DSCAML1: variants seen among roughly 807,000 people sequenced by gnomAD.
DSCAML1 encodes the protein DS cell adhesion molecule like 1, also known as cell adhesion molecule DSCAML1.
Under a neutral mutation model 200.5 loss-of-function variants are expected in DSCAML1, and 38 were observed. The ratio of observed to expected loss-of-function variants is 0.19; its 90% confidence interval spans 0.15 to 0.25. The LOEUF is 0.25. DSCAML1 is among the 10% of genes least tolerant of loss of function. DSCAML1 has a pLI of 1.00. For synonymous variants in DSCAML1, 1,215 were observed against 1,165.0 expected, an observed-to-expected ratio of 1.04 and a Z score of -0.87; for missense variants, 2,223 against 2,858.8, an observed-to-expected ratio of 0.78 and a Z score of 5.07.
At chr11:117,571,667 TCCC>T (rs1284320187) in intron 3 of DSCAML1, among the ~76,000 whole-genome samples, 3 of 151,668 alleles carry the variant, frequency 2.0e-5, no homozygotes, top group Non-Finnish European at 4.4e-5. Flanking sequence ...CAGCCCGTCC[TCCC>T]CCCACCTACA....
At chr11:117,631,675 C>A (rs1254891564) in intron 3 of DSCAML1, among the ~76,000 whole-genome samples, 1 of 152,218 alleles carries the variant, frequency 6.6e-6, no homozygotes, top group Admixed American at 6.5e-5. Flanking sequence ...CATGTGCACA[C>A]ACATGTGATT....
chr11:117,797,043 A>G lies in DSCAML1; in HGVS notation c.37T>C (p.Leu13=), dbSNP rs1306725712. 4 of 1,535,676 alleles carry G rather than the reference A, an allele frequency of 2.6e-6. No individual in the cohort carries two copies. Among genetic ancestry groups the G allele is most frequent in the Non-Finnish European group, 2.6e-6 (3 of 1,140,132 alleles). The change falls in exon 1 of 33, where the codon TTA becomes CTA. Residue 13 remains leucine (L), a synonymous_variant. Transcript: ENST00000651296. ...LVTFLLLLDS[L]HKARPEDVGT... is the part of the protein sequence containing the mutation. ...CCCGCGCAGGTCTCACCTTTGTGTA[A>G]AGAGTCCAGGAGCAGGAGGAAAGTT... is the stretch of plus-strand genomic sequence containing the variant.
chr11:117,777,835 G>T (rs759062770), intron 2 of DSCAML1, among the ~76,000 whole-genome samples: 6 of 152,202 alleles, frequency 3.9e-5, no homozygotes, highest in South Asian at 2.1e-4. Flanking sequence ...TGGGACCAAG[G>T]CTTCTGCCTC....
chr11:117,732,252 T>C (rs535937532), intron 3 of DSCAML1, among the ~76,000 whole-genome samples: 5 of 152,316 alleles, frequency 3.3e-5, no homozygotes, highest in Admixed American at 2.0e-4. Context: ...CAAGTATTAT[T>C]ATTTTCCAGT....
rs981188335 is a variant in DSCAML1, at chr11:117,635,074, C to T, written c.512-102552G>A. On this transcript the variant is annotated intron_variant, in intron 3 of 32. Coordinates refer to ENST00000651296, the MANE Select transcript of DSCAML1 (RefSeq NM_020693.4). Reference sequence around the variant, plus strand: ...CACAACAGTCAGCAAATCGCCCTTTCGGGGGCTGATTAAAGATGGATGCGC... The same window carrying T: ...CACAACAGTCAGCAAATCGCCCTTTTGGGGGCTGATTAAAGATGGATGCGC... Among the ~76,000 whole-genome samples the T allele has an allele frequency of 5.9e-5, 9 of 152,366 alleles. No homozygotes were observed. In the South Asian group the frequency reaches 8.3e-4, roughly 14 times the overall value.
chr11:117,493,617 T>C (rs1170636950), intron 11 of DSCAML1, among the ~76,000 whole-genome samples: 1 of 151,736 alleles, frequency 6.6e-6, no homozygotes, highest in Non-Finnish European at 1.5e-5. Context: ...CCAGGCCTGG[T>C]CCTCTACTTT....
intron 3 of DSCAML1, among the ~76,000 whole-genome samples, chr11:117,721,610 TATATATAAATATATGTA>T (rs2137796404): frequency 6.7e-6 from 1 of 148,932 alleles, no homozygotes; most frequent in African/African-American, 2.4e-5. Flanking sequence ...CTCTTATATG[TATATATAAATATATGTA>T]ATATATAAAT....
At chr11:117,739,712 C>T (rs2054388102) in intron 3 of DSCAML1, among the ~76,000 whole-genome samples, 1 of 152,144 alleles carries the variant, frequency 6.6e-6, no homozygotes, top group Non-Finnish European at 1.5e-5. Flanking sequence ...GGCTGCATGG[C>T]CATTAGTGGT....
At chr11:117,461,095 C>G (rs1210485847) in intron 18 of DSCAML1, among the ~76,000 whole-genome samples, 1 of 152,112 alleles carries the variant, frequency 6.6e-6, no homozygotes, top group East Asian at 1.9e-4. Context: ...CCAATCTGCC[C>G]CTATCATGCC....
At chr11:117,681,083 C>T (rs912207576) in intron 3 of DSCAML1, among the ~76,000 whole-genome samples, 3 of 152,202 alleles carry the variant, frequency 2.0e-5, no homozygotes, top group East Asian at 1.9e-4. Context: ...GCTAAATATC[C>T]GCCAGCTGTC....
At chr11:117,451,684 G>C (rs1040600593) in intron 19 of DSCAML1, among the ~76,000 whole-genome samples, 1 of 152,068 alleles carries the variant, frequency 6.6e-6, no homozygotes, top group Non-Finnish European at 1.5e-5. Flanking sequence ...GCATGGTGGT[G>C]TGTGCTTGTT....
rs759658514 is a variant in DSCAML1 at position 117,461,470 on chromosome 11, C to A, written c.3392G>T (p.Trp1131Leu). 3 of 1,614,200 alleles carry A rather than the reference C, an allele frequency of 1.9e-6. No homozygotes were observed. The highest frequency in any genetic ancestry group is 2.5e-6 in the Non-Finnish European group (3 of 1,180,040). Reference sequence around the variant, plus strand: ...CTCACCCCCATCAACATAGAGGGACCAGAAGATGACCCGATAGCCTTTGAG... The same window carrying A: ...CTCACCCCCATCAACATAGAGGGACAAGAAGATGACCCGATAGCCTTTGAG... ...GVLKGYRVIFWSLYVDGEWGE... is the reference protein window; with the variant it reads ...GVLKGYRVIFLSLYVDGEWGE... Residue 1131 changes from tryptophan to leucine, a missense_variant, in exon 18 of 33, where the codon TGG becomes TTG. By Grantham distance (61) the Trp-to-Leu change is moderately conservative (BLOSUM62 -2). This residue lies in a region of DSCAML1 where 438 missense variants were observed against 629.7 expected (regional missense o/e 0.70). Coordinates refer to ENST00000651296, the MANE Select transcript of DSCAML1 (RefSeq NM_020693.4).
At chr11:117,506,070 C>T (rs2049491210) in intron 8 of DSCAML1, among the ~76,000 whole-genome samples, 1 of 152,216 alleles carries the variant, frequency 6.6e-6, no homozygotes, top group Non-Finnish European at 1.5e-5. Flanking sequence ...ACCCCTGTAC[C>T]CACCTTCTCA....
chr11:117,776,464 C>T (rs2055130899), intron 3 of DSCAML1, among the ~76,000 whole-genome samples: 2 of 151,990 alleles, frequency 1.3e-5, no homozygotes, highest in South Asian at 4.2e-4. Flanking sequence ...TCCAGCCTTG[C>T]CTCCCGTCCC....
intron 3 of DSCAML1, among the ~76,000 whole-genome samples, chr11:117,536,937 C>CTTTACGTACATTATCTCA (rs1297015992): frequency 6.6e-6 from 1 of 152,142 alleles, no homozygotes; most frequent in African/African-American, 2.4e-5. Context: ...AGGCCAATGA[C>CTTTACGTACATTATCTCA]TTTACGTACA....
Position 117,780,664 on chromosome 11 carries a change from C to G in DSCAML1, c.193G>C (p.Asp65His). ...AALRWYLATG[D>H]DIYDVPHIRH... ...ATGTGCGGCACGTCGTAGATGTCGT[C>G]CCCTGTGGCCAGGTACCATCGAAGG... is the stretch of plus-strand genomic sequence containing the variant. Residue 65 changes from aspartate (D) to histidine (H), a missense_variant, in exon 2 of 33, where the codon GAC (aspartate) becomes CAC (histidine). Physicochemically the swap from Asp to His is moderately conservative, Grantham distance 81. Around this residue, in one of 7 missense-constraint regions of DSCAML1, gnomAD observed 579 missense variants for 721.5 expected, o/e 0.80. Coordinates refer to ENST00000651296, the MANE Select transcript of DSCAML1 (RefSeq NM_020693.4). The surrounding 1 kb of genome is among the most constrained non-coding windows in gnomAD (Gnocchi z 4.8). The G allele has an allele frequency of 6.3e-7, 1 of 1,591,864 alleles. No homozygotes were observed. The highest frequency in any genetic ancestry group is 8.6e-7 in the Non-Finnish European group (1 of 1,167,686).
rs759973143 is a variant in DSCAML1 at position 117,439,833 on chromosome 11, C to T, written c.3966G>A (p.Lys1322=). ...CCGACACACACCTGTCCTTGGTCCA[C>T]TTCACAGCAGGGGCTGGATCTCCCA... ...NSVGDPAPAV[K]WTKDSEDSAI... Residue 1322 remains lysine (K), a synonymous_variant, in exon 22 of 33, where the codon AAG becomes AAA. Coordinates refer to ENST00000651296, the MANE Select transcript of DSCAML1 (RefSeq NM_020693.4). 5.6e-6 allele frequency: 9 copies of T among 1,614,072 alleles called. No homozygotes were observed. The highest frequency in any genetic ancestry group is 7.6e-6 in the Non-Finnish European group (9 of 1,180,016).
intron 3 of DSCAML1, among the ~76,000 whole-genome samples, chr11:117,658,689 G>A (rs561001112): frequency 1.8e-4 from 28 of 152,324 alleles, no homozygotes; most frequent in Non-Finnish European, 2.9e-5. Context: ...ATAAGCATTA[G>A]GAAGAGGCAA....
intron 1 of DSCAML1, among the ~76,000 whole-genome samples, chr11:117,781,158 A>T (rs927382379): frequency 6.6e-6 from 1 of 152,042 alleles, no homozygotes; most frequent in African/African-American, 2.4e-5. Flanking sequence ...TTAGCCGTGC[A>T]CACGCGTCTG....
Sources: allele counts gnomAD v4.1 joint callset (sites outside exome capture counted in the v4.1 genomes callset), GRCh38; gene constraint gnomAD v4.1.1; regional missense constraint gnomAD v4.1.1; non-coding constraint Gnocchi (gnomAD v3.1); transcripts MANE v1.5; gene names NCBI Gene and HGNC (gene_info 2026-07-23, HGNC 2026-07-21).